Variants in EYA1 observed in about 807,000 individuals in gnomAD.
EYA1 encodes the protein EYA transcriptional coactivator and phosphatase 1, also known as protein phosphatase EYA1.
Under a neutral mutation model 82.0 loss-of-function variants are expected in EYA1, and 16 were observed. That is an observed-to-expected ratio of 0.20 (90% CI 0.13 to 0.30). The LOEUF is 0.30. Ranked by LOEUF, EYA1 falls within the 10% of genes least tolerant of loss-of-function variation. The pLI is 1.00. For synonymous variants in EYA1, 261 were observed against 264.4 expected, an observed-to-expected ratio of 0.99 and a Z score of 0.12; for missense variants, 633 against 730.7, an observed-to-expected ratio of 0.87 and a Z score of 1.54.
chr8:71,535,762 C>G, exon 2 of EYA1: 1 of 1,520,908 alleles, frequency 6.6e-7, no homozygotes, highest in Admixed American at 2.0e-5. Flanking sequence ...CATTTATCCC[C>G]CGGGGGTCTT....
chr8:71,265,889 G>A (rs753223843), intron 11 of EYA1, among the ~76,000 whole-genome samples: 3 of 152,188 alleles, frequency 2.0e-5, no homozygotes, highest in Non-Finnish European at 2.9e-5. Context: ...AGCCATGGCT[G>A]ACTGTGCCCA....
intron 9 of EYA1, among the ~76,000 whole-genome samples, chr8:71,275,179 A>T (rs558877136): frequency 4.2e-4 from 64 of 152,264 alleles, no homozygotes; most frequent in African/African-American, 1.5e-3. Flanking sequence ...CAGGTGAGGG[A>T]TGGTGATGCA....
At chr8:71,367,067 CT>C (rs1429579139), upstream of EYA1, among the ~76,000 whole-genome samples, 1 of 151,988 alleles carries the variant, frequency 6.6e-6, no homozygotes, top group Non-Finnish European at 1.5e-5. Context: ...AGAAAAAATC[CT>C]TGAACTTGAA....
At chr8:71,434,989 A>G (rs1450664821) in intron 2 of EYA1, among the ~76,000 whole-genome samples, 2 of 152,144 alleles carry the variant, frequency 1.3e-5, no homozygotes, top group Non-Finnish European at 2.9e-5. Flanking sequence ...CACATATTGC[A>G]CACACCTACA....
intron 2 of EYA1, among the ~76,000 whole-genome samples, chr8:71,510,951 A>C (rs571785275): frequency 6.6e-6 from 1 of 151,952 alleles, no homozygotes; most frequent in African/African-American, 2.4e-5. Context: ...CCAGGGAGGG[A>C]GTCTTTTCTC....
At chr8:71,269,163 T>A (rs1176394700) in intron 11 of EYA1, among the ~76,000 whole-genome samples, 2 of 152,182 alleles carry the variant, frequency 1.3e-5, no homozygotes, top group Non-Finnish European at 2.9e-5. Flanking sequence ...CAGAAGGTGG[T>A]CTATAATATT....
intron 2 of EYA1, among the ~76,000 whole-genome samples, chr8:71,463,575 TTCTCTCTCTCTCTCTCTC>T (rs776367934): frequency 0.069 from 2,853 of 41,094 alleles, 154 homozygotes; most frequent in African/African-American, 0.15. Context: ...AATACATGCT[TTCTCTCTCTCTCTCTCTC>T]TCTCTCTCTC....
intron 4 of EYA1, among the ~76,000 whole-genome samples, chr8:71,328,542 C>G (rs1017839455): frequency 1.3e-5 from 2 of 152,170 alleles, no homozygotes; most frequent in African/African-American, 4.8e-5. Context: ...CCTCGCTTCT[C>G]CTGTGTATCT....
intron 2 of EYA1, among the ~76,000 whole-genome samples, chr8:71,425,026 C>T (rs942037783): frequency 7.6e-5 from 11 of 144,956 alleles, no homozygotes; most frequent in Admixed American, 1.5e-4. Context: ...TTTGGGAGGC[C>T]GAGACGGGCG....
intron 2 of EYA1, among the ~76,000 whole-genome samples, chr8:71,452,231 C>A (rs148388790): frequency 0.042 from 6,335 of 152,240 alleles, 445 homozygotes; most frequent in African/African-American, 0.14. Flanking sequence ...AAGGGGCGCC[C>A]GCCATTGCTG....
intron 2 of EYA1, among the ~76,000 whole-genome samples, chr8:71,417,802 T>C (rs1403329611): frequency 6.6e-6 from 1 of 152,160 alleles, no homozygotes; most frequent in Non-Finnish European, 1.5e-5. Flanking sequence ...TTTTTGACAG[T>C]CCAAAATATA....
intron 2 of EYA1, among the ~76,000 whole-genome samples, chr8:71,457,744 C>T (rs559785688): frequency 6.6e-5 from 10 of 152,198 alleles, no homozygotes; most frequent in African/African-American, 2.2e-4. Flanking sequence ...GGGAACATCA[C>T]ACACAGGGGC....
intron 2 of EYA1, 37 bp from the exon 3 acceptor site, chr8:71,354,946 A>C: frequency 6.2e-7 from 1 of 1,607,368 alleles, no homozygotes; most frequent in Non-Finnish European, 8.5e-7. Flanking sequence ...CAGATGTACC[A>C]AATTCATAAC....
intron 9 of EYA1, among the ~76,000 whole-genome samples, chr8:71,282,110 C>T (rs992888659): frequency 1.3e-5 from 2 of 152,308 alleles, no homozygotes; most frequent in East Asian, 1.9e-4. Flanking sequence ...TCTCCCCACC[C>T]GTAAGTACTC....
intron 11 of EYA1, among the ~76,000 whole-genome samples, chr8:71,268,323 G>T (rs1164312760): frequency 6.6e-6 from 1 of 152,174 alleles, no homozygotes; most frequent in African/African-American, 2.4e-5. Context: ...GACAGGTGTA[G>T]GGATTTTATA....
chr8:71,525,733 G>C (rs977035913), intron 2 of EYA1, among the ~76,000 whole-genome samples: 1 of 152,164 alleles, frequency 6.6e-6, no homozygotes, highest in South Asian at 2.1e-4. Flanking sequence ...ATGAAACCTG[G>C]CAGAGCAAAA....
intron 2 of EYA1, among the ~76,000 whole-genome samples, chr8:71,390,271 CTT>C (rs577622634): frequency 9.3e-4 from 127 of 136,692 alleles, no homozygotes; most frequent in Admixed American, 7.4e-4. Flanking sequence ...TTGGATAATT[CTT>C]TTTTTTTTTT....
At chr8:71,461,319 G>A (rs142948528) in intron 2 of EYA1, among the ~76,000 whole-genome samples, 135 of 152,254 alleles carry the variant, frequency 8.9e-4, no homozygotes, top group African/African-American at 2.9e-3. Flanking sequence ...TGAGCGTGGC[G>A]TCTGAACATT....
intron 16 of EYA1, among the ~76,000 whole-genome samples, chr8:71,213,984 G>A (rs1338833210): frequency 2.0e-5 from 3 of 152,222 alleles, no homozygotes; most frequent in Non-Finnish European, 2.9e-5. Flanking sequence ...ACAGTATGAC[G>A]GGGAAGTCAT....
Sources: gnomAD v4.1 joint callset for allele counts (sites outside exome capture counted in the v4.1 genomes callset) on GRCh38, gnomAD v4.1.1 for gene constraint, MANE v1.5 for transcripts, NCBI Gene and HGNC (gene_info 2026-07-23, HGNC 2026-07-21) for gene names.